SHANK2: variants seen among roughly 807,000 people sequenced by gnomAD.
SHANK2 encodes SH3 and multiple ankyrin repeat domains 2.
In SHANK2, 43 loss-of-function variants were observed where a neutral mutation model predicts 133.7. That is an observed-to-expected ratio of 0.32 (90% CI 0.25 to 0.41). The LOEUF is 0.41. Among genes scored for constraint, SHANK2 ranks in the 10% least tolerant of loss-of-function variants. The pLI, the probability that SHANK2 is intolerant of heterozygous loss-of-function variation, is 1.00. For synonymous variants in SHANK2, 1,017 were observed against 952.8 expected (o/e 1.07, Z -1.24); for missense variants, 1,994 against 2,235.8 (o/e 0.89, Z 2.18).
intron 3 of SHANK2, among the ~76,000 whole-genome samples, chr11:71,138,115 C>T (rs1481776202): frequency 4.5e-4 from 28 of 62,280 alleles, no homozygotes; most frequent in African/African-American, 1.1e-3. Context: ...CTAACAGTAA[C>T]GAACCACACC....
At chr11:70,713,354 C>A (rs941972731) in intron 14 of SHANK2, among the ~76,000 whole-genome samples, 2 of 152,234 alleles carry the variant, frequency 1.3e-5, no homozygotes, top group Admixed American at 6.5e-5. Context: ...GAGTGAAGCA[C>A]CTTAAGAAGA....
intron 14 of SHANK2, among the ~76,000 whole-genome samples, chr11:70,759,188 A>ACC (rs71049938): frequency 6.4e-5 from 8 of 124,938 alleles, no homozygotes; most frequent in Admixed American, 2.5e-4. Flanking sequence ...ACCAAACCAA[A>ACC]ACAAAACAAA....
intron 11 of SHANK2, among the ~76,000 whole-genome samples, chr11:70,850,692 C>T (rs1949072714): frequency 6.6e-6 from 1 of 152,186 alleles, no homozygotes; most frequent in African/African-American, 2.4e-5. Context: ...GGGAGAGTAA[C>T]TTATGACTCT....
chr11:70,799,569 T>C (rs1478766862), intron 13 of SHANK2, among the ~76,000 whole-genome samples: 1 of 152,234 alleles, frequency 6.6e-6, no homozygotes, highest in Non-Finnish European at 1.5e-5. Context: ...CCCACAGGCA[T>C]GCTGGCTTAT....
intron 6 of SHANK2, among the ~76,000 whole-genome samples, chr11:71,104,144 C>G (rs897577969): frequency 1.3e-5 from 2 of 152,146 alleles, no homozygotes; most frequent in South Asian, 2.1e-4. Context: ...AATAGCACCA[C>G]AACGCTCACC....
chr11:70,943,278 A>G (rs1220685087), intron 10 of SHANK2, among the ~76,000 whole-genome samples: 1 of 152,134 alleles, frequency 6.6e-6, no homozygotes, highest in African/African-American at 2.4e-5. Flanking sequence ...TGGCTAAGGC[A>G]CTTCTTAGAT....
At chr11:70,941,849 A>G (rs914877246) in intron 10 of SHANK2, among the ~76,000 whole-genome samples, 1 of 150,560 alleles carries the variant, frequency 6.6e-6, no homozygotes, top group African/African-American at 2.4e-5. Context: ...TATAACAATA[A>G]TATAATATAT....
At chr11:71,151,326 C>T (rs572490079) in intron 2 of SHANK2, among the ~76,000 whole-genome samples, 1 of 152,136 alleles carries the variant, frequency 6.6e-6, no homozygotes, top group South Asian at 2.1e-4. Context: ...TGACTCCCAG[C>T]GCTCTTCCGG....
At chr11:70,547,440 T>C (rs578135596) in intron 17 of SHANK2, among the ~76,000 whole-genome samples, 14 of 152,274 alleles carry the variant, frequency 9.2e-5, no homozygotes, top group African/African-American at 3.4e-4. Flanking sequence ...TTTGTGTTTT[T>C]AGTAGAGATG....
chr11:70,925,892 C>T lies in SHANK2; in HGVS notation c.1108-29325G>A, dbSNP rs577532048. ...TGTTAGGTTCCTGAGAGCCTCTGGT[C>T]ACACCTTCATCAACCCATCAATACA... On this transcript the variant is annotated intron_variant, in intron 10 of 25. Transcript: ENST00000601538. Among the ~76,000 whole-genome samples, 59 of 152,320 alleles carry T rather than the reference C, an allele frequency of 3.9e-4. 1 individual carries two copies. Among genetic ancestry groups the T allele is most frequent in the African/African-American group, 1.4e-3 (57 of 41,572 alleles).
intron 14 of SHANK2, among the ~76,000 whole-genome samples, chr11:70,770,074 TG>T (rs782154853): frequency 3.3e-5 from 5 of 152,242 alleles, no homozygotes; most frequent in Non-Finnish European, 7.3e-5. Context: ...CTGGGCCCTC[TG>T]GCTCCCTCTG....
At chr11:70,851,549 A>T (rs114345835) in intron 11 of SHANK2, among the ~76,000 whole-genome samples, 112 of 152,302 alleles carry the variant, frequency 7.4e-4, no homozygotes, top group African/African-American at 2.5e-3. Flanking sequence ...GCCGCCTTGG[A>T]CTATGAGGGC....
rs1224594837 is a variant in SHANK2 at position 70,739,707 on chromosome 11, T to C, written c.1778-40944A>G. Among the ~76,000 whole-genome samples the C allele has an allele frequency of 6.6e-6, 1 of 152,192 alleles. No homozygotes were observed. ...ATTCATATGCTGAAAGCCTAACCCCTGCTCCTCAGAATGTGACTGTATTTG... is the reference window on the plus strand; with the variant it reads ...ATTCATATGCTGAAAGCCTAACCCCCGCTCCTCAGAATGTGACTGTATTTG... On this transcript the variant is annotated intron_variant, in intron 14 of 25. Coordinates refer to ENST00000601538, the MANE Select transcript of SHANK2 (RefSeq NM_012309.5). This position sits in a 1 kb window ranked among gnomAD's most constrained non-coding sequence, Gnocchi z 4.3.
chr11:70,683,347 T>C (rs1472266412), intron 15 of SHANK2, among the ~76,000 whole-genome samples: 1 of 152,094 alleles, frequency 6.6e-6, no homozygotes, highest in Non-Finnish European at 1.5e-5. Flanking sequence ...CACTCTGCCG[T>C]TTCTGTGTAA....
At chr11:70,909,685 T>C (rs1028767730) in intron 10 of SHANK2, among the ~76,000 whole-genome samples, 1 of 152,114 alleles carries the variant, frequency 6.6e-6, no homozygotes, top group Admixed American at 6.6e-5. Flanking sequence ...CATGGCTTTG[T>C]GTGGCTCTAA....
chr11:70,778,268 C>T (rs974151781), intron 14 of SHANK2, among the ~76,000 whole-genome samples: 3 of 152,218 alleles, frequency 2.0e-5, no homozygotes, highest in Admixed American at 1.3e-4. Flanking sequence ...CCAGGGTACA[C>T]CCTTGTCAAG....
chr11:70,700,149 C>A (rs888895745), intron 14 of SHANK2, among the ~76,000 whole-genome samples: 2 of 152,178 alleles, frequency 1.3e-5, no homozygotes, highest in Non-Finnish European at 2.9e-5. Context: ...GCTGTCTCCA[C>A]CCCTTCCACA....
chr11:70,473,646 A>T lies in SHANK2; in HGVS notation c.4980-207T>A. 1 of 652,436 alleles carries T rather than the reference A, an allele frequency of 1.5e-6. No individual in the cohort carries two copies. Among genetic ancestry groups the T allele is most frequent in the South Asian group, 1.7e-5 (1 of 58,900 alleles). 40.4% of individuals were successfully genotyped at this position (652,436 alleles called of 1,614,324 possible). ...AGAGCAAAGTTGGAGACACCAGAGCACACCACGTCAGCCCACTCACCTGAA... is the reference window on the plus strand; with the variant it reads ...AGAGCAAAGTTGGAGACACCAGAGCTCACCACGTCAGCCCACTCACCTGAA... On this transcript the variant is annotated intron_variant, in intron 25 of 25. Transcript: ENST00000601538. This position sits in a 1 kb window ranked among gnomAD's most constrained non-coding sequence, Gnocchi z 5.9.
chr11:70,942,330 C>T (rs1555084527), intron 10 of SHANK2, among the ~76,000 whole-genome samples: 1 of 152,140 alleles, frequency 6.6e-6, no homozygotes, highest in East Asian at 1.9e-4. Context: ...GGGAAGTAGA[C>T]ACATGCAAGG....
Sources: allele counts gnomAD v4.1 joint callset (sites outside exome capture counted in the v4.1 genomes callset), GRCh38; gene constraint gnomAD v4.1.1; non-coding constraint Gnocchi (gnomAD v3.1); transcripts MANE v1.5; gene names NCBI Gene and HGNC (gene_info 2026-07-23, HGNC 2026-07-21).